Variants in BCAS1 observed in about 807,000 individuals in gnomAD.
BCAS1 encodes breast carcinoma-amplified sequence 1.
In BCAS1, 46 loss-of-function variants were observed where a neutral mutation model predicts 65.4. The observed-to-expected ratio is 0.70, with a 90% CI of 0.55 to 0.90. The LOEUF (loss-of-function observed/expected upper bound fraction) is 0.90, where lower values mean the gene tolerates loss of function less well. Among genes scored for constraint, BCAS1 ranks in the 40% least tolerant of loss-of-function variants. The probability of loss-of-function intolerance (pLI) is 0.00; values close to 1 mark genes in which losing one functional copy is unlikely to be tolerated. For synonymous variants in BCAS1, 298 were observed against 293.5 expected (o/e 1.02, Z -0.16); for missense variants, 793 against 771.2 (o/e 1.03, Z -0.33).
intron 10 of BCAS1, among the ~76,000 whole-genome samples, 158 bp from the exon 11 acceptor site, chr20:53,957,655 A>G (rs937837613): frequency 6.6e-6 from 1 of 152,262 alleles, no homozygotes; most frequent in Admixed American, 6.5e-5. Context: ...TTGGATATAG[A>G]GATTTCCATG....
intron 1 of BCAS1, among the ~76,000 whole-genome samples, chr20:54,069,236 T>C (rs2146400053): frequency 6.6e-6 from 1 of 152,242 alleles, no homozygotes; most frequent in Non-Finnish European, 1.5e-5. Flanking sequence ...GATCAGGCCC[T>C]GGACTCCGGG....
chr20:54,069,012 C>G (rs1441319368), intron 1 of BCAS1, among the ~76,000 whole-genome samples: 1 of 152,190 alleles, frequency 6.6e-6, no homozygotes, highest in South Asian at 2.1e-4. Flanking sequence ...CAAAACCCTT[C>G]TGGGTTCCAG....
At chr20:54,064,911 A>G (rs2092417434) in intron 1 of BCAS1, among the ~76,000 whole-genome samples, 1 of 150,418 alleles carries the variant, frequency 6.6e-6, no homozygotes, top group South Asian at 2.1e-4. Context: ...TTATTTTCCC[A>G]GTTGTCTTAT....
At chr20:54,042,132 C>CA (rs2092011600) in intron 3 of BCAS1, among the ~76,000 whole-genome samples, 2 of 151,834 alleles carry the variant, frequency 1.3e-5, no homozygotes, top group Admixed American at 1.3e-4. Flanking sequence ...GTAGTTGTGG[C>CA]AAAAAACTGG....
At chr20:53,968,896 A>G (rs912217721) in intron 9 of BCAS1, among the ~76,000 whole-genome samples, 2 of 152,236 alleles carry the variant, frequency 1.3e-5, no homozygotes, top group South Asian at 2.1e-4. Context: ...TTGGACCCCA[A>G]TCTATCTTTA....
chr20:53,948,906 G>C (rs529351416), intron 12 of BCAS1, among the ~76,000 whole-genome samples: 1 of 152,172 alleles, frequency 6.6e-6, no homozygotes, highest in East Asian at 1.9e-4. Context: ...TCCAACCCTC[G>C]GTCTCAGGCT....
chr20:53,987,332 T>C lies in BCAS1; in HGVS notation c.1063-1833A>G, dbSNP rs914030805. On this transcript the variant is annotated intron_variant, in intron 7 of 12. Transcript: ENST00000688948. Reference sequence around the variant, plus strand: ...AATGGCAAAATGTTGGAATTTACAATAACCTTTGCATTTTATAGACAGTGA... The same window carrying C: ...AATGGCAAAATGTTGGAATTTACAACAACCTTTGCATTTTATAGACAGTGA... Among the ~76,000 whole-genome samples the C allele has an allele frequency of 2.6e-5, 4 of 152,238 alleles. 1 individual carries two copies. In the South Asian group the frequency reaches 8.3e-4, roughly 31 times the overall value.
At chr20:53,951,966 T>A (rs1007538920) in intron 12 of BCAS1, among the ~76,000 whole-genome samples, 3 of 151,856 alleles carry the variant, frequency 2.0e-5, no homozygotes, top group African/African-American at 7.3e-5. Context: ...GGAAGAAAAA[T>A]GAAAGAAGGA....
At chr20:54,029,129 C>G (rs1296900786) in intron 3 of BCAS1, 157 bp from the exon 4 acceptor site, 1 of 985,392 alleles carries the variant, frequency 1.0e-6, no homozygotes, top group African/African-American at 1.7e-5. Context: ...CTCTCTACAT[C>G]TCCTTGGACC....
At chr20:53,965,046 C>A (rs1276345990) in intron 10 of BCAS1, among the ~76,000 whole-genome samples, 1 of 152,098 alleles carries the variant, frequency 6.6e-6, no homozygotes, top group East Asian at 1.9e-4. Context: ...TCTTTCCTGG[C>A]ATCATGTAAA....
intron 4 of BCAS1, among the ~76,000 whole-genome samples, chr20:54,016,134 ACTTT>A (rs1208664238): frequency 6.6e-6 from 1 of 152,054 alleles, no homozygotes; most frequent in East Asian, 1.9e-4. Flanking sequence ...TTATACTATC[ACTTT>A]CTTCACCTGA....
intron 3 of BCAS1, among the ~76,000 whole-genome samples, chr20:54,049,416 T>C (rs2092170726): frequency 6.6e-6 from 1 of 152,152 alleles, no homozygotes; most frequent in Non-Finnish European, 1.5e-5. Context: ...ATAAATTTGC[T>C]AGAAAGGAAT....
Position 54,061,634 on chromosome 20 carries a change from C to A in BCAS1, c.-5-2911G>T, listed in dbSNP as rs926165927. ...ATATTGAGGAGGCCAAAAAAAGGGT[C>A]ATGGATCTCACCATGTGTTCTCTTG... On this transcript the variant is annotated intron_variant, in intron 1 of 12. Coordinates refer to ENST00000688948, the MANE Select transcript of BCAS1 (RefSeq NM_001366298.2). Among the ~76,000 whole-genome samples, 4 of 152,164 alleles carry A rather than the reference C, an allele frequency of 2.6e-5. No homozygotes were observed. The East Asian group carries it at 5.8e-4, about 22-fold the overall frequency.
At chr20:54,056,203 T>C (rs1465675013) in intron 3 of BCAS1, among the ~76,000 whole-genome samples, 1 of 152,166 alleles carries the variant, frequency 6.6e-6, no homozygotes. Context: ...AGTAGCTATG[T>C]ATGGTGGTGG....
chr20:53,987,159 A>G (rs1280621622), intron 7 of BCAS1, among the ~76,000 whole-genome samples: 1 of 152,214 alleles, frequency 6.6e-6, no homozygotes, highest in Admixed American at 6.5e-5. Flanking sequence ...AAGACACAAC[A>G]TCTTCTTTGC....
intron 6 of BCAS1, 114 bp from the exon 7 acceptor site, chr20:53,992,760 C>A: frequency 9.7e-7 from 1 of 1,029,708 alleles, no homozygotes; most frequent in South Asian, 1.5e-5. Context: ...GTTGGTACAC[C>A]ATCCCCTCTT....
intron 8 of BCAS1, among the ~76,000 whole-genome samples, chr20:53,982,216 C>T (rs1386157995): frequency 1.3e-5 from 2 of 152,132 alleles, no homozygotes; most frequent in Non-Finnish European, 2.9e-5. Context: ...TCCCAATCCT[C>T]TTATTCAACA....
intron 1 of BCAS1, among the ~76,000 whole-genome samples, chr20:54,066,799 T>C (rs2092449619): frequency 6.6e-6 from 1 of 152,208 alleles, no homozygotes. Flanking sequence ...ACCTAGTCTG[T>C]GGTGTTTTGG....
At chr20:53,956,921 C>G (rs1325643881) in intron 11 of BCAS1, among the ~76,000 whole-genome samples, 1 of 152,152 alleles carries the variant, frequency 6.6e-6, no homozygotes. Context: ...TGTGTGACCC[C>G]CCGACTCCAT....
Sources: allele counts gnomAD v4.1 joint callset (sites outside exome capture counted in the v4.1 genomes callset), GRCh38; gene constraint gnomAD v4.1.1; transcripts MANE v1.5; gene names NCBI Gene and HGNC (gene_info 2026-07-23, HGNC 2026-07-21).